Variants in SPATA6 observed in about 807,000 individuals in gnomAD.
SPATA6 encodes the protein spermatogenesis associated 6.
SPATA6 carries 56 observed loss-of-function variants against 65.3 expected under a neutral mutation model. The observed-to-expected ratio is 0.86, with a 90% confidence interval of 0.69 to 1.07. The LOEUF (loss-of-function observed/expected upper bound fraction) is 1.07. Among genes scored for constraint, SPATA6 ranks in the 50% least tolerant of loss-of-function variants. SPATA6 has a pLI of 0.00. For synonymous variants in SPATA6, 199 were observed against 213.2 expected (o/e 0.93, Z 0.58); for missense variants, 590 against 594.8 (o/e 0.99, Z 0.08).
intron 1 of SPATA6, among the ~76,000 whole-genome samples, chr1:48,462,188 C>A (rs938038830): frequency 1.3e-5 from 2 of 149,486 alleles, no homozygotes; most frequent in Non-Finnish European, 3.0e-5. Flanking sequence ...ACTCTGGGGA[C>A]TGTTGTGGGG....
At chr1:48,378,722 C>G (rs544596882) in intron 9 of SPATA6, among the ~76,000 whole-genome samples, 2 of 152,228 alleles carry the variant, frequency 1.3e-5, no homozygotes, top group South Asian at 4.2e-4. Flanking sequence ...TGGGTACCTC[C>G]CACAACATGT....
At chr1:48,462,698 T>C (rs892933662) in intron 1 of SPATA6, among the ~76,000 whole-genome samples, 3 of 152,278 alleles carry the variant, frequency 2.0e-5, no homozygotes, top group Admixed American at 6.5e-5. Context: ...TTTACAACAA[T>C]TGGATAAGTA....
chr1:48,363,954 C>A (rs1269847875), intron 9 of SPATA6, among the ~76,000 whole-genome samples: 1 of 151,704 alleles, frequency 6.6e-6, no homozygotes, highest in Non-Finnish European at 1.5e-5. Context: ...CTCCCCCCTT[C>A]CCCCACCTCA....
At chr1:48,416,440 T>C (rs1002001621) in intron 3 of SPATA6, among the ~76,000 whole-genome samples, 1 of 152,020 alleles carries the variant, frequency 6.6e-6, no homozygotes, top group Non-Finnish European at 1.5e-5. Context: ...ACATAACATA[T>C]AGGAAAAAGT....
the SPATA6 span, among the ~76,000 whole-genome samples, chr1:48,275,324 C>G: frequency 3.9e-5 from 6 of 152,222 alleles, no homozygotes; most frequent in African/African-American, 7.2e-5. Flanking sequence ...ATTTGAATAC[C>G]CTTTATTTCT....
intron 6 of SPATA6, among the ~76,000 whole-genome samples, chr1:48,403,152 G>A (rs1416049): frequency 0.95 from 144,993 of 152,164 alleles, 69,347 homozygotes; most frequent in Non-Finnish European, 1. Context: ...ACAGAGTGAG[G>A]CCCTGTCTCA....
intron 3 of SPATA6, among the ~76,000 whole-genome samples, chr1:48,424,914 T>C (rs1450314886): frequency 6.6e-6 from 1 of 152,218 alleles, no homozygotes; most frequent in South Asian, 2.1e-4. Context: ...GGGCAGTTTG[T>C]AAATATTTTC....
intron 6 of SPATA6, chr1:48,400,818 G>A: frequency 1.5e-6 from 2 of 1,293,762 alleles, no homozygotes; most frequent in Non-Finnish European, 2.0e-6. Context: ...GTAGTTCATG[G>A]TATGCTTCTG....
intron 8 of SPATA6, among the ~76,000 whole-genome samples, chr1:48,391,900 A>G (rs572254547): frequency 0.016 from 2,409 of 152,196 alleles, 28 homozygotes; most frequent in Middle Eastern, 0.031. Flanking sequence ...GTAGGAAGAA[A>G]AAAAAATTAG....
the SPATA6 span, among the ~76,000 whole-genome samples, chr1:48,264,427 T>C: frequency 6.6e-6 from 1 of 152,190 alleles, no homozygotes; most frequent in Non-Finnish European, 1.5e-5. Context: ...CATGCAGGTT[T>C]GTTACATAGG....
intron 5 of SPATA6, among the ~76,000 whole-genome samples, chr1:48,407,816 A>G (rs2147965952): frequency 6.6e-6 from 1 of 152,322 alleles, no homozygotes; most frequent in East Asian, 1.9e-4. Flanking sequence ...TTAATAATCC[A>G]TCATCTTCCA....
chr1:48,262,385 G>A, the SPATA6 span: 3 of 152,128 alleles, frequency 2.0e-5, no homozygotes, highest in Non-Finnish European at 2.9e-5. Flanking sequence ...ACAATGAAGA[G>A]TTCTGGTACA....
intron 3 of SPATA6, among the ~76,000 whole-genome samples, chr1:48,434,274 A>C (rs1463644151): frequency 6.6e-6 from 1 of 151,514 alleles, no homozygotes; most frequent in Non-Finnish European, 1.5e-5. Flanking sequence ...AAAAAAAAAA[A>C]AAAACAGGAA....
chr1:48,325,524 A>G, intron 11 of SPATA6: 1 of 1,213,202 alleles, frequency 8.2e-7, no homozygotes, highest in Non-Finnish European at 1.2e-6. Context: ...ACTGAATGTC[A>G]CCCGGGAGTT....
intron 11 of SPATA6, among the ~76,000 whole-genome samples, chr1:48,321,491 T>C (rs1336807127): frequency 6.6e-6 from 1 of 152,138 alleles, no homozygotes; most frequent in East Asian, 1.9e-4. Context: ...TATAAATATA[T>C]ATCATCCAAC....
rs761812495 is a variant in SPATA6 at position 48,399,384 on chromosome 1, T to A, written c.747A>T (p.Lys249Asn). Residue 249 changes from lysine (K) to asparagine (N), a missense_variant, in exon 7 of 13, where the codon AAA becomes AAT. Lys to Asn is a moderately conservative substitution (Grantham distance 94). Transcript: ENST00000371847. ...TCACAAATGGAGGTTTATCTGTTTC[T>A]TTTTTGAACTCATAGGGTCCCAGAT... is the stretch of plus-strand genomic sequence containing the variant. Reference protein sequence around the residue: ...HLNLGPYEFKKETDKPPFVIR... With the variant: ...HLNLGPYEFKNETDKPPFVIR... 24 of 1,612,892 alleles carry A rather than the reference T, an allele frequency of 1.5e-5. No homozygotes were observed. The highest frequency in any genetic ancestry group is 1.7e-5 in the Non-Finnish European group (20 of 1,179,310).
intron 11 of SPATA6, among the ~76,000 whole-genome samples, chr1:48,314,563 G>A (rs1402005241): frequency 6.6e-6 from 1 of 152,158 alleles, no homozygotes; most frequent in African/African-American, 2.4e-5. Flanking sequence ...GAAATTTATA[G>A]CACTAAATGC....
chr1:48,472,174 A>C lies in SPATA6; in HGVS notation c.-166T>G. 1 of 558,506 alleles carries C rather than the reference A, an allele frequency of 1.8e-6. No individual in the cohort carries two copies. Among genetic ancestry groups the C allele is most frequent in the Admixed American group, 3.9e-5 (1 of 25,322 alleles). The allele number at this position is 558,506 out of a possible 1,614,324, so 34.6% of individuals were successfully genotyped here. On this transcript the variant is annotated 5_prime_UTR_variant, in exon 1 of 13. Coordinates refer to ENST00000371847, the MANE Select transcript of SPATA6 (RefSeq NM_019073.4). ...CCAGCCTGGGTTCCGCCGGAGAAGC[A>C]GCTGAGCGCGGGGCGCAGACTCGTT...
At chr1:48,301,743 A>G (rs1385791899) in intron 12 of SPATA6, among the ~76,000 whole-genome samples, 2 of 152,146 alleles carry the variant, frequency 1.3e-5, no homozygotes, top group African/African-American at 4.8e-5. Context: ...CAGTAAACTC[A>G]TTTTTTACAA....
Sources: gnomAD v4.1 joint callset for allele counts (sites outside exome capture counted in the v4.1 genomes callset) on GRCh38, gnomAD v4.1.1 for gene constraint, MANE v1.5 for transcripts, NCBI Gene and HGNC (gene_info 2026-07-23, HGNC 2026-07-21) for gene names.